Variants in ERC1 observed in about 807,000 individuals in gnomAD.
The protein encoded by ERC1 is ELKS/RAB6-interacting/CAST family member 1, also known as RAB6 interacting protein 2.
A neutral mutation model predicts 132.0 loss-of-function variants in ERC1; 56 were observed. That is an observed-to-expected ratio of 0.42 (90% CI 0.34 to 0.53). The LOEUF (loss-of-function observed/expected upper bound fraction) is 0.53. Among genes scored for constraint, ERC1 ranks in the 20% least tolerant of loss-of-function variants. The pLI, the probability that ERC1 is intolerant of heterozygous loss-of-function variation, is 0.03. For synonymous variants in ERC1, 478 were observed against 476.1 expected, an observed-to-expected ratio of 1.00 and a Z score of -0.05; for missense variants, 1,202 against 1,349.9, an observed-to-expected ratio of 0.89 and a Z score of 1.72.
Position 1,425,279 on chromosome 12 carries a change from G to T in ERC1, c.3024+17032G>T, listed in dbSNP as rs112047966. ...GTTGGCAGTGAGAGCACTTTTTAGT[G>T]TGATGGCATAGCCACATCTCTTGTG... On this transcript the variant is annotated intron_variant, in intron 17 of 18. Coordinates refer to ENST00000360905, the MANE Select transcript of ERC1 (RefSeq NM_178040.4). Among the ~76,000 whole-genome samples the T allele has an allele frequency of 4.5e-3, 689 of 152,324 alleles. 3 individuals are homozygous for T. The highest frequency in any genetic ancestry group is 0.015 in the African/African-American group (634 of 41,570).
chr12:1,270,429 C>T (rs902680174), intron 14 of ERC1, among the ~76,000 whole-genome samples: 10 of 152,188 alleles, frequency 6.6e-5, no homozygotes, highest in African/African-American at 2.4e-4. Context: ...AGGCTGGTCT[C>T]AATCCTGACC....
At chr12:1,473,200 A>T (rs902923485) in intron 18 of ERC1, among the ~76,000 whole-genome samples, 3 of 151,936 alleles carry the variant, frequency 2.0e-5, no homozygotes, top group East Asian at 1.9e-4. Flanking sequence ...TAATTTTTGT[A>T]TTTTTTTAAG....
chr12:1,474,950 T>G (rs2093940813), intron 18 of ERC1, among the ~76,000 whole-genome samples: 1 of 152,214 alleles, frequency 6.6e-6, no homozygotes, highest in South Asian at 2.1e-4. Context: ...ATTGAGTTGC[T>G]CTTGCATTTG....
At chr12:1,106,510 G>A (rs1945282235) in intron 4 of ERC1, among the ~76,000 whole-genome samples, 1 of 151,824 alleles carries the variant, frequency 6.6e-6, no homozygotes, top group South Asian at 2.1e-4. Flanking sequence ...TCTTAATTTG[G>A]ATGATTTCCT....
chr12:1,057,417 C>T (rs1467486431), intron 2 of ERC1, among the ~76,000 whole-genome samples: 1 of 152,028 alleles, frequency 6.6e-6, no homozygotes. Context: ...TGAGCCACTG[C>T]GCCCAGCCTG....
intron 17 of ERC1, among the ~76,000 whole-genome samples, chr12:1,437,972 G>T (rs905909434): frequency 6.6e-6 from 1 of 152,170 alleles, no homozygotes; most frequent in Admixed American, 6.5e-5. Flanking sequence ...TGAAACCTTT[G>T]GAGAGAGTTT....
chr12:1,126,055 G>C (rs1292999327), intron 7 of ERC1, among the ~76,000 whole-genome samples: 1 of 152,172 alleles, frequency 6.6e-6, no homozygotes, highest in Non-Finnish European at 1.5e-5. Context: ...CTGGAGATTG[G>C]TTGCACAACA....
At chr12:1,445,668 A>G (rs545148238) in intron 18 of ERC1, among the ~76,000 whole-genome samples, 1 of 152,332 alleles carries the variant, frequency 6.6e-6, no homozygotes, top group African/African-American at 2.4e-5. Flanking sequence ...AGTCTTGAAC[A>G]GATATTTGGA....
chr12:1,316,875 C>T lies in ERC1; in HGVS notation c.2780+26863C>T, dbSNP rs150707740. Among the ~76,000 whole-genome samples the T allele has an allele frequency of 1.2e-4, 18 of 152,164 alleles. No individual in the cohort carries two copies. In the Middle Eastern group the frequency reaches 0.024, roughly 201 times the overall value. Reference sequence around the variant, plus strand: ...TAGACTGGATAAAGAAAATGTGGCACGTGGCCAGGCATGGCGGCTCATGCC... The same window carrying T: ...TAGACTGGATAAAGAAAATGTGGCATGTGGCCAGGCATGGCGGCTCATGCC... On this transcript the variant is annotated intron_variant, in intron 15 of 18. Transcript: ENST00000360905.
chr12:1,435,730 T>C (rs2092929131), intron 17 of ERC1, among the ~76,000 whole-genome samples: 1 of 152,190 alleles, frequency 6.6e-6, no homozygotes, highest in Non-Finnish European at 1.5e-5. Context: ...CACAACCATT[T>C]CTCACCTGCT....
At chr12:1,119,542 T>A (rs944665883) in intron 7 of ERC1, among the ~76,000 whole-genome samples, 8 of 83,666 alleles carry the variant, frequency 9.6e-5, no homozygotes, top group African/African-American at 3.8e-4. Flanking sequence ...TGTGTGTGTG[T>A]GTGTGTGTGT....
intron 8 of ERC1, among the ~76,000 whole-genome samples, chr12:1,158,404 A>T (rs909702659): frequency 1.3e-5 from 2 of 151,958 alleles, no homozygotes; most frequent in South Asian, 4.2e-4. Context: ...CGTTAAAAAC[A>T]GCTTAACTGT....
At chr12:1,245,436 A>G (rs73027435) in intron 13 of ERC1, among the ~76,000 whole-genome samples, 4,643 of 152,292 alleles carry the variant, frequency 0.03, 91 homozygotes, top group South Asian at 0.057. Context: ...AGTTATATGT[A>G]GCATCCATTC....
chr12:1,434,281 A>G (rs1002862401), intron 17 of ERC1, among the ~76,000 whole-genome samples: 2 of 152,198 alleles, frequency 1.3e-5, no homozygotes, highest in Admixed American at 6.5e-5. Flanking sequence ...TGTGAGTACT[A>G]AAAGGTGGCA....
chr12:1,240,749 A>G (rs2075736589), intron 13 of ERC1, among the ~76,000 whole-genome samples: 1 of 152,142 alleles, frequency 6.6e-6, no homozygotes, highest in South Asian at 2.1e-4. Context: ...TTAACATACT[A>G]GAAAAATTAA....
intron 8 of ERC1, among the ~76,000 whole-genome samples, chr12:1,155,654 T>C (rs1223945853): frequency 6.6e-6 from 1 of 152,036 alleles, no homozygotes; most frequent in Non-Finnish European, 1.5e-5. Flanking sequence ...TTTTTTGTAT[T>C]TTTAGTAGAG....
At chr12:1,199,600 G>C (rs1464140984) in intron 12 of ERC1, among the ~76,000 whole-genome samples, 1 of 151,746 alleles carries the variant, frequency 6.6e-6, no homozygotes, top group Non-Finnish European at 1.5e-5. Context: ...GTGAAACCCT[G>C]TCTCTACTAA....
chr12:1,204,177 G>A (rs536170405), intron 12 of ERC1: 1 of 244,334 alleles, frequency 4.1e-6, no homozygotes, highest in African/African-American at 2.2e-5. Flanking sequence ...AGAATGAGAT[G>A]GCTAACCTTC....
chr12:1,322,051 T>C (rs1331276051), intron 15 of ERC1, among the ~76,000 whole-genome samples: 1 of 151,520 alleles, frequency 6.6e-6, no homozygotes, highest in African/African-American at 2.4e-5. Flanking sequence ...TCCTCTGTGT[T>C]TTGATGCTTT....
Sources: allele counts gnomAD v4.1 joint callset (sites outside exome capture counted in the v4.1 genomes callset), GRCh38; gene constraint gnomAD v4.1.1; transcripts MANE v1.5; gene names NCBI Gene and HGNC (gene_info 2026-07-23, HGNC 2026-07-21).